The following P4HTM variants were observed in gnomAD, a reference collection of about 807,000 sequenced individuals.
P4HTM encodes the protein transmembrane prolyl 4-hydroxylase.
A neutral mutation model predicts 55.3 loss-of-function variants in P4HTM; 33 were observed. That is an observed-to-expected ratio of 0.60 (90% CI 0.45 to 0.80). P4HTM has a LOEUF of 0.80. P4HTM is among the 30% of genes least tolerant of loss of function. The pLI, the probability that P4HTM is intolerant of heterozygous loss-of-function variation, is 0.00. For missense variants in P4HTM, 542 were observed against 696.5 expected (o/e 0.78, Z 2.50); for synonymous variants, 272 against 286.4 (o/e 0.95, Z 0.51).
Position 49,002,895 on chromosome 3 carries a change from G to A in P4HTM, c.724+299G>A. On this transcript the variant is annotated intron_variant, in intron 4 of 8. Coordinates refer to ENST00000383729, the MANE Select transcript of P4HTM (RefSeq NM_177939.3). The surrounding 1 kb of genome is among the most constrained non-coding windows in gnomAD (Gnocchi z 4.4). ...CAGGAAGTAGGGCTGCTAGTTGGCA[G>A]AGAACAGAGTGGGTGGAGCAGGAGC... The A allele has an allele frequency of 2.2e-6, 1 of 460,182 alleles. No individual in the cohort carries two copies. The highest frequency in any genetic ancestry group is 2.0e-5 in the South Asian group (1 of 50,336). 28.5% of individuals were successfully genotyped at this position (460,182 alleles called of 1,614,324 possible).
Position 49,006,127 on chromosome 3 carries a change from C to G in P4HTM, c.1228C>G (p.Arg410Gly). The change falls in exon 8 of 9, where the codon CGT becomes GGT. Residue 410 changes from arginine (R) to glycine (G), a missense_variant. Physicochemically the swap from Arg to Gly is moderately radical, Grantham distance 125. Transcript: ENST00000383729. Reference protein sequence around the residue: ...TRRHCDKGNLRVKPQQGTAVF... With the variant: ...TRRHCDKGNLGVKPQQGTAVF... ...GAGGCACTGTGACAAGGGAAACCTGCGTGTCAAGCCCCAACAGGGCACAGC... is the reference window on the plus strand; with the variant it reads ...GAGGCACTGTGACAAGGGAAACCTGGGTGTCAAGCCCCAACAGGGCACAGC... The G allele has an allele frequency of 6.2e-7, 1 of 1,612,940 alleles. No homozygotes were observed. The highest frequency in any genetic ancestry group is 2.2e-5 in the East Asian group (1 of 44,878).
chr3:48,994,582 C>T (rs900582549), intron 2 of P4HTM, among the ~76,000 whole-genome samples: 1 of 152,164 alleles, frequency 6.6e-6, no homozygotes, highest in Non-Finnish European at 1.5e-5. Context: ...GGTCATTTTC[C>T]CTTGGTAGGG....
chr3:49,002,718 T>A lies in P4HTM; in HGVS notation c.724+122T>A, dbSNP rs2092965221. 2 of 764,330 alleles carry A rather than the reference T, an allele frequency of 2.6e-6. No individual in the cohort carries two copies. Among genetic ancestry groups the A allele is most frequent in the Non-Finnish European group, 4.7e-6 (2 of 428,350 alleles). 47.3% of individuals were successfully genotyped at this position (764,330 alleles called of 1,614,324 possible). ...GCAGCCTCTCTGCACCCCTTTATAG[T>A]GGCCAGAGATGGGGAGGTGAAGATC... is the stretch of plus-strand genomic sequence containing the variant. On this transcript the variant is annotated intron_variant, in intron 4 of 8. Coordinates refer to ENST00000383729, the MANE Select transcript of P4HTM (RefSeq NM_177939.3). The surrounding 1 kb of genome is among the most constrained non-coding windows in gnomAD (Gnocchi z 4.4).
At chr3:49,006,236 C>T (rs1460755543) in intron 8 of P4HTM, 49 bp downstream of exon 8, 3 of 1,577,052 alleles carry the variant, frequency 1.9e-6, no homozygotes, top group Non-Finnish European at 2.6e-6. Flanking sequence ...GTACAGCTTC[C>T]CTTTACCCAG....
Position 49,001,589 on chromosome 3 carries a change from G to A in P4HTM, c.588G>A (p.Leu196=), listed in dbSNP as rs148666784. 62 of 1,613,438 alleles carry A rather than the reference G, an allele frequency of 3.8e-5. No individual in the cohort carries two copies. In the African/African-American group the frequency reaches 6.4e-4, roughly 17 times the overall value. Residue 196 remains leucine, a synonymous_variant, in exon 3 of 9, where the codon CTG becomes CTA. Transcript: ENST00000383729. ...TCAGCCAGCTGGACCTCTTCCGGCT[G>A]CTGGACCAGAACCGTGATGGGCACC... ...MQVSQLDLFR[L]LDQNRDGHLQ...
rs2092961589 is a variant in P4HTM, at chr3:49,001,628, G to A, written c.627G>A (p.Glu209=). The A allele has an allele frequency of 6.2e-7, 1 of 1,608,668 alleles. No individual in the cohort carries two copies. Among genetic ancestry groups the A allele is most frequent in the Non-Finnish European group, 8.5e-7 (1 of 1,176,156 alleles). The change falls in exon 3 of 9, where the codon GAG becomes GAA. Residue 209 remains glutamate, a splice_region_variant and synonymous_variant. Coordinates refer to ENST00000383729, the MANE Select transcript of P4HTM (RefSeq NM_177939.3). ...QNRDGHLQLR[E]VLAQTRLGNG... is the part of the protein sequence containing the mutation. ...GTGATGGGCACCTTCAGCTCCGTGA[G>A]GTTGGAATCCTGGGACCTGAGTAGG... is the stretch of plus-strand genomic sequence containing the variant.
chr3:49,002,627 C>T lies in P4HTM; in HGVS notation c.724+31C>T. On this transcript the variant is annotated intron_variant, in intron 4 of 8. Transcript: ENST00000383729. The surrounding 1 kb of genome is among the most constrained non-coding windows in gnomAD (Gnocchi z 4.4). ...CTCACACCTCTGCACAGTCCTATCC[C>T]CGTGAGCCTCCTGCCCACTCCCAGG... 1 of 1,519,524 alleles carries T rather than the reference C, an allele frequency of 6.6e-7. No homozygotes were observed. Among genetic ancestry groups the T allele is most frequent in the Middle Eastern group, 1.7e-4 (1 of 5,934 alleles). 94.1% of individuals were successfully genotyped at this position (1,519,524 alleles called of 1,614,324 possible). A position where few individuals can be genotyped will look rare whatever the true frequency, so the allele number is the denominator to read the frequency against.
intron 6 of P4HTM, 124 bp from the exon 7 acceptor site, chr3:49,005,653 G>A (rs2092976127): frequency 1.4e-6 from 2 of 1,456,206 alleles, no homozygotes; most frequent in East Asian, 2.5e-5. Flanking sequence ...CTGCCCTATT[G>A]TCTCCCATCC....
chr3:49,001,358 G>A (rs2092960556), intron 2 of P4HTM, 80 bp from the exon 3 acceptor site: 1 of 1,350,334 alleles, frequency 7.4e-7, no homozygotes. Flanking sequence ...AGTACCCCAG[G>A]AACCCTGAAG....
chr3:48,991,836 G>A (rs1429734199), intron 2 of P4HTM: 4 of 152,194 alleles, frequency 2.6e-5, no homozygotes, highest in Non-Finnish European at 4.4e-5. Context: ...CCTGGCCTCC[G>A]TGACAAACAT....
In P4HTM at chr3:48,996,698, T is replaced by C. The variant is rs532160380; in HGVS notation, c.437-4740T>C. 2.1e-3 allele frequency among the ~76,000 whole-genome samples: 326 copies of C among 152,260 alleles called. 2 individuals are homozygous for C. Among genetic ancestry groups the C allele is most frequent in the Admixed American group, 9.9e-3 (152 of 15,300 alleles). The stretch of plus-strand genomic sequence containing the variant: ...AAGGAATTTAGCTCAGGCTGCTGCA[T>C]TGCCACACACACCCCTGCTCTTTCA... On this transcript the variant is annotated intron_variant, in intron 2 of 8. Coordinates refer to ENST00000383729, the MANE Select transcript of P4HTM (RefSeq NM_177939.3).
At chr3:49,006,463 G>A (rs964474130) in intron 8 of P4HTM, among the ~76,000 whole-genome samples, 1 of 152,232 alleles carries the variant, frequency 6.6e-6, no homozygotes, top group African/African-American at 2.4e-5. Flanking sequence ...AGGATGGGAA[G>A]GGATATGGAC....
In P4HTM at chr3:49,005,554, A is replaced by AC. The variant is rs1438058895; in HGVS notation, c.1074-221dup. On this transcript the variant is annotated intron_variant, in intron 6 of 8. Transcript: ENST00000383729. ...AGGGCCATGGCATTTAACTAAGTGC[A>AC]CCTGTGATCTTGGCCAAAAAACCAT... 5 of 1,365,274 alleles carry AC rather than the reference A, an allele frequency of 3.7e-6. No homozygotes were observed. In the African/African-American group the frequency reaches 7.4e-5, roughly 20 times the overall value. 84.6% of individuals were successfully genotyped at this position (1,365,274 alleles called of 1,614,324 possible).
rs752619134 is a variant in P4HTM at position 48,990,873 on chromosome 3, A to G, written c.395A>G (p.Asp132Gly). ...ERKVQLVTDR[D>G]HFIRTLSLKP... is the part of the protein sequence containing the mutation. ...AAGGTCCAGCTGGTCACCGACAGGGATCACTTCATCCGAACCCTCAGCCTC... is the reference window on the plus strand; with the variant it reads ...AAGGTCCAGCTGGTCACCGACAGGGGTCACTTCATCCGAACCCTCAGCCTC... Residue 132 changes from aspartate to glycine, a missense_variant, in exon 2 of 9, where the codon GAT (aspartate) becomes GGT (glycine). Physicochemically the swap from Asp to Gly is moderately conservative, Grantham distance 94. Coordinates refer to ENST00000383729, the MANE Select transcript of P4HTM (RefSeq NM_177939.3). This position sits in a 1 kb window ranked among gnomAD's most constrained non-coding sequence, Gnocchi z 7.2. 1 of 1,613,992 alleles carries G rather than the reference A, an allele frequency of 6.2e-7. No homozygotes were observed. Among genetic ancestry groups the G allele is most frequent in the Admixed American group, 1.7e-5 (1 of 60,028 alleles).
rs1464686605 is a variant in P4HTM, at chr3:49,004,231, C to T, written c.858C>T (p.Ala286=). ...HHTWLYQGEG[A]HHIMRAIRQR... Reference sequence around the variant, plus strand: ...CCTGGCTCTACCAGGGTGAGGGTGCCCACCACATCATGCGTGCCATCCGCC... The same window carrying T: ...CCTGGCTCTACCAGGGTGAGGGTGCTCACCACATCATGCGTGCCATCCGCC... Residue 286 remains alanine, a synonymous_variant, in exon 5 of 9, where the codon GCC becomes GCT. Coordinates refer to ENST00000383729, the MANE Select transcript of P4HTM (RefSeq NM_177939.3). 6.5e-7 allele frequency: 1 copy of T among 1,548,782 alleles called. No individual in the cohort carries two copies. Among genetic ancestry groups the T allele is most frequent in the South Asian group, 1.2e-5 (1 of 83,958 alleles).
In P4HTM at chr3:49,002,570, C is replaced by T. The variant is rs771888073; in HGVS notation, c.698C>T (p.Ala233Val). 6.2e-7 allele frequency: 1 copy of T among 1,613,720 alleles called. No individual in the cohort carries two copies. Among genetic ancestry groups the T allele is most frequent in the Non-Finnish European group, 8.5e-7 (1 of 1,179,600 alleles). The part of the protein sequence containing the change: ...TPESIQEMYA[A>V]IKADPDGDGV... ...GAGAGCATTCAGGAGATGTACGCCG[C>T]GATCAAGGCTGACCCTGATGGTGAC... The change falls in exon 4 of 9, where the codon GCG (alanine) becomes GTG (valine). Residue 233 changes from alanine (A) to valine (V), a missense_variant. Physicochemically the swap from Ala to Val is moderately conservative, Grantham distance 64. Transcript: ENST00000383729. The surrounding 1 kb of genome is among the most constrained non-coding windows in gnomAD (Gnocchi z 4.4).
In P4HTM at chr3:49,006,879, C is replaced by A. The variant is rs755143056; in HGVS notation, c.1481C>A (p.Ala494Asp). The change falls in exon 9 of 9, where the codon GCC becomes GAC. Residue 494 changes from alanine (A) to aspartate (D), a missense_variant. By Grantham distance (126) the Ala-to-Asp change is moderately radical. Coordinates refer to ENST00000383729, the MANE Select transcript of P4HTM (RefSeq NM_177939.3). Reference protein sequence around the residue: ...DSQPEWALDRAYRDARVEL With the variant: ...DSQPEWALDRDYRDARVEL Reference sequence around the variant, plus strand: ...CAGCCCGAGTGGGCTCTGGACCGGGCCTACCGCGATGCGCGCGTGGAACTC... The same window carrying A: ...CAGCCCGAGTGGGCTCTGGACCGGGACTACCGCGATGCGCGCGTGGAACTC... The A allele has an allele frequency of 1.9e-6, 3 of 1,612,512 alleles. No individual in the cohort carries two copies. Among genetic ancestry groups the A allele is most frequent in the Non-Finnish European group, 2.5e-6 (3 of 1,179,638 alleles).
chr3:48,996,431 G>C (rs774142553), intron 2 of P4HTM: 2 of 152,114 alleles, frequency 1.3e-5, no homozygotes, highest in Non-Finnish European at 2.9e-5. Flanking sequence ...GTACCATCTC[G>C]ACTCACTGCA....
In P4HTM at chr3:48,993,521, A is replaced by C. The variant is rs138743761; in HGVS notation, c.436+2607A>C. ...TCTAATTCATATTGATGTTAGGTTA[A>C]GTAAGCCATGAAGCCAAAGTCTCCC... On this transcript the variant is annotated intron_variant, in intron 2 of 8. Coordinates refer to ENST00000383729, the MANE Select transcript of P4HTM (RefSeq NM_177939.3). 2.0e-3 allele frequency among the ~76,000 whole-genome samples: 297 copies of C among 152,224 alleles called. 1 individual carries two copies. The highest frequency in any genetic ancestry group is 2.6e-3 in the Non-Finnish European group (180 of 68,016).
Sources: allele counts gnomAD v4.1 joint callset (sites outside exome capture counted in the v4.1 genomes callset), GRCh38; gene constraint gnomAD v4.1.1; non-coding constraint Gnocchi (gnomAD v3.1); transcripts MANE v1.5; gene names NCBI Gene and HGNC (gene_info 2026-07-23, HGNC 2026-07-21).